Variants in EEFSEC observed in about 807,000 individuals in gnomAD.
EEFSEC encodes eukaryotic elongation factor, selenocysteine-tRNA specific.
A neutral mutation model predicts 42.1 loss-of-function variants in EEFSEC; 43 were observed. That is an observed-to-expected ratio of 1.02 (90% CI 0.80 to 1.32). EEFSEC has a LOEUF of 1.32. Ranked by LOEUF, EEFSEC falls within the 40% of genes most tolerant of loss-of-function variation. The pLI, the probability that EEFSEC is intolerant of heterozygous loss-of-function variation, is 0.00. For missense variants in EEFSEC, 745 were observed against 803.6 expected, an observed-to-expected ratio of 0.93 and a Z score of 0.88; for synonymous variants, 354 against 339.1, an observed-to-expected ratio of 1.04 and a Z score of -0.48.
intron 1 of EEFSEC, among the ~76,000 whole-genome samples, chr3:128,213,353 CGTA>C (rs1251645570): frequency 2.0e-5 from 3 of 152,132 alleles, no homozygotes; most frequent in Non-Finnish European, 4.4e-5. Flanking sequence ...ATGTAGTTGG[CGTA>C]GTAGAAAATG....
chr3:128,351,450 G>GT (rs1406022199), intron 5 of EEFSEC, among the ~76,000 whole-genome samples: 1 of 152,230 alleles, frequency 6.6e-6, no homozygotes, highest in African/African-American at 2.4e-5. Flanking sequence ...TCATAGAGCT[G>GT]TAAGAGGCAG....
chr3:128,403,149 C>T (rs529592048), intron 6 of EEFSEC, among the ~76,000 whole-genome samples: 3 of 152,128 alleles, frequency 2.0e-5, no homozygotes, highest in Admixed American at 6.5e-5. Flanking sequence ...CTGCAGCTGC[C>T]GGAGCTCCCA....
chr3:128,412,088 A>G (rs2068177987), downstream of EEFSEC, among the ~76,000 whole-genome samples: 1 of 152,142 alleles, frequency 6.6e-6, no homozygotes, highest in Non-Finnish European at 1.5e-5. Context: ...GGGTGGTGGC[A>G]AGTTCCCTAA....
rs150678046 is a variant in EEFSEC, at chr3:128,175,512, C to T, written c.316+21689C>T. 3.3e-3 allele frequency among the ~76,000 whole-genome samples: 504 copies of T among 152,214 alleles called. 1 individual carries two copies. Among genetic ancestry groups the T allele is most frequent in the Non-Finnish European group, 5.4e-3 (368 of 68,020 alleles). The stretch of plus-strand genomic sequence containing the variant: ...TGGAAAAAATGTAGACCGACCTTCT[C>T]GGTAAAACTGGCCTGGGATCCCAGG... On this transcript the variant is annotated intron_variant, in intron 1 of 6. Coordinates refer to ENST00000254730, the MANE Select transcript of EEFSEC (RefSeq NM_021937.5).
intron 1 of EEFSEC, among the ~76,000 whole-genome samples, chr3:128,158,199 A>G (rs920444428): frequency 6.6e-6 from 1 of 152,234 alleles, no homozygotes; most frequent in South Asian, 2.1e-4. Flanking sequence ...TCTTGAGTGG[A>G]TGAGGAGTTG....
intron 6 of EEFSEC, among the ~76,000 whole-genome samples, chr3:128,362,593 T>C (rs1331879162): frequency 6.6e-6 from 1 of 152,258 alleles, no homozygotes; most frequent in Non-Finnish European, 1.5e-5. Context: ...CATGTGTGTG[T>C]CTGCTTTAGC....
chr3:128,375,234 G>A (rs2067696117), intron 6 of EEFSEC, among the ~76,000 whole-genome samples: 1 of 152,178 alleles, frequency 6.6e-6, no homozygotes, highest in Non-Finnish European at 1.5e-5. Flanking sequence ...GTCCCTGGGG[G>A]ATCAGGTGTA....
At chr3:128,318,911 C>T (rs909473811) in intron 4 of EEFSEC, among the ~76,000 whole-genome samples, 20 of 152,186 alleles carry the variant, frequency 1.3e-4, no homozygotes, top group Non-Finnish European at 2.8e-4. Flanking sequence ...AGGAGTAAGG[C>T]GGTTTTTACC....
chr3:128,255,622 G>T (rs1436619552), intron 2 of EEFSEC, among the ~76,000 whole-genome samples: 1 of 152,200 alleles, frequency 6.6e-6, no homozygotes, highest in African/African-American at 2.4e-5. Flanking sequence ...CACTTAAAAG[G>T]GAAGGAGACA....
chr3:128,206,210 C>T (rs1173819429), intron 1 of EEFSEC, among the ~76,000 whole-genome samples: 1 of 152,070 alleles, frequency 6.6e-6, no homozygotes, highest in East Asian at 1.9e-4. Flanking sequence ...AGAGACTGTC[C>T]AGAGAGCTTA....
intron 1 of EEFSEC, among the ~76,000 whole-genome samples, chr3:128,243,251 G>A (rs764961448): frequency 7.9e-5 from 12 of 152,202 alleles, no homozygotes; most frequent in Non-Finnish European, 1.6e-4. Context: ...TTTGGATGCT[G>A]GATCAGGCTG....
chr3:128,178,595 G>A (rs1025002453), intron 1 of EEFSEC, among the ~76,000 whole-genome samples: 1 of 152,100 alleles, frequency 6.6e-6, no homozygotes, highest in Non-Finnish European at 1.5e-5. Flanking sequence ...AGGACAAAAT[G>A]GCACTTTGTT....
chr3:128,300,463 C>T (rs563239269), intron 4 of EEFSEC, among the ~76,000 whole-genome samples: 5 of 149,528 alleles, frequency 3.3e-5, no homozygotes, highest in African/African-American at 9.9e-5. Flanking sequence ...CGTGGTGGCA[C>T]GCACCTGTAG....
chr3:128,292,739 C>T (rs2066657890), intron 4 of EEFSEC, among the ~76,000 whole-genome samples: 1 of 151,706 alleles, frequency 6.6e-6, no homozygotes, highest in Non-Finnish European at 1.5e-5. Flanking sequence ...ATTAATCTTT[C>T]CAAATAACCA....
At chr3:128,194,211 G>A (rs1435270572) in intron 1 of EEFSEC, among the ~76,000 whole-genome samples, 1 of 152,172 alleles carries the variant, frequency 6.6e-6, no homozygotes, top group Non-Finnish European at 1.5e-5. Context: ...AGAAAATAAG[G>A]CTGGGAGGTG....
intron 1 of EEFSEC, among the ~76,000 whole-genome samples, chr3:128,205,627 G>A (rs889513295): frequency 2.6e-5 from 4 of 152,216 alleles, no homozygotes; most frequent in African/African-American, 4.8e-5. Context: ...TTAAGTTGCC[G>A]TCAGCCTCTC....
chr3:128,242,030 T>G (rs1219646589), intron 1 of EEFSEC, among the ~76,000 whole-genome samples: 2 of 152,198 alleles, frequency 1.3e-5, no homozygotes, highest in Non-Finnish European at 2.9e-5. Flanking sequence ...AAAAACAAAT[T>G]TTGGCCAGGC....
At chr3:128,303,018 T>C (rs1165462591) in intron 4 of EEFSEC, among the ~76,000 whole-genome samples, 1 of 152,244 alleles carries the variant, frequency 6.6e-6, no homozygotes, top group Non-Finnish European at 1.5e-5. Flanking sequence ...AACATCCCAT[T>C]GTATGTAACT....
chr3:128,208,481 G>T (rs1392867029), intron 1 of EEFSEC, among the ~76,000 whole-genome samples: 1 of 152,228 alleles, frequency 6.6e-6, no homozygotes, highest in Non-Finnish European at 1.5e-5. Flanking sequence ...GTGCTGGAGG[G>T]AGTCACACCT....
Sources: gnomAD v4.1 joint callset for allele counts (sites outside exome capture counted in the v4.1 genomes callset) on GRCh38, gnomAD v4.1.1 for gene constraint, MANE v1.5 for transcripts, NCBI Gene and HGNC (gene_info 2026-07-23, HGNC 2026-07-21) for gene names.